The following DLGAP3 variants were observed in gnomAD, a reference collection of about 807,000 sequenced individuals.
DLGAP3 encodes DLG associated protein 3.
DLGAP3 carries 17 observed loss-of-function variants against 81.2 expected under a neutral mutation model. The ratio of observed to expected loss-of-function variants is 0.21; its 90% confidence interval spans 0.14 to 0.31. The LOEUF is 0.31. DLGAP3 is among the 10% of genes least tolerant of loss of function. The pLI is 1.00. For missense variants in DLGAP3, 1,124 were observed against 1,388.0 expected (o/e 0.81, Z 3.02); for synonymous variants, 577 against 587.4 (o/e 0.98, Z 0.26).
At chr1:34,889,953 G>A (rs1639288568) in intron 5 of DLGAP3, among the ~76,000 whole-genome samples, 1 of 152,166 alleles carries the variant, frequency 6.6e-6, no homozygotes, top group African/African-American at 2.4e-5. Flanking sequence ...ATAGGAGGAA[G>A]GCTTTGGGCC....
Position 34,929,318 on chromosome 1 carries a change from C to T in DLGAP3, c.-135+133G>A, listed in dbSNP as rs1005163709. On this transcript the variant is annotated intron_variant, in intron 1 of 11. Coordinates refer to ENST00000373347, the MANE Select transcript of DLGAP3 (RefSeq NM_001080418.3). This position sits in a 1 kb window ranked among gnomAD's most constrained non-coding sequence, Gnocchi z 6.5. ...GCTGAGGAGGCCCAGCCCCTCCCCC[C>T]TCCCGGGGCCGGGAGCCGAGCGCCG... 6.7e-6 allele frequency: 1 copy of T among 149,838 alleles called. No individual in the cohort carries two copies. Among genetic ancestry groups the T allele is most frequent in the African/African-American group, 2.4e-5 (1 of 41,162 alleles). 9.3% of individuals were successfully genotyped at this position (149,838 alleles called of 1,614,324 possible). A position where few individuals can be genotyped will look rare whatever the true frequency, so the allele number is the denominator to read the frequency against.
intron 1 of DLGAP3, among the ~76,000 whole-genome samples, chr1:34,913,794 C>T (rs767929885): frequency 1.3e-5 from 2 of 152,176 alleles, no homozygotes; most frequent in African/African-American, 4.8e-5. Flanking sequence ...GAAAGGACCT[C>T]CACTCCTTTC....
chr1:34,910,261 G>A (rs1557495937), intron 1 of DLGAP3, among the ~76,000 whole-genome samples: 1 of 152,188 alleles, frequency 6.6e-6, no homozygotes, highest in Non-Finnish European at 1.5e-5. Context: ...TGTAGTATTT[G>A]CAGCAGAAAG....
intron 5 of DLGAP3, among the ~76,000 whole-genome samples, chr1:34,894,110 C>G (rs760372751): frequency 3.3e-5 from 5 of 152,102 alleles, no homozygotes; most frequent in South Asian, 2.1e-4. Flanking sequence ...ATTGATTGAG[C>G]CTGGGAGGTC....
At position 34,868,845 on chromosome 1, in the gene DLGAP3, G is replaced by C; in HGVS notation, c.2245C>G (p.Pro749Ala). 1 of 1,583,558 alleles carries C rather than the reference G, an allele frequency of 6.3e-7. No individual in the cohort carries two copies. The highest frequency in any genetic ancestry group is 8.5e-7 in the Non-Finnish European group (1 of 1,170,116). ...YREGYPLPYE[P>A]PATDGSPGPA... Reference sequence around the variant, plus strand: ...CCGGGCGACCCATCGGTGGCCGGCGGCTCGTACGGCAGTGGGTAGCCCTCG... The same window carrying C: ...CCGGGCGACCCATCGGTGGCCGGCGCCTCGTACGGCAGTGGGTAGCCCTCG... Residue 749 changes from proline (P) to alanine (A), a missense_variant, in exon 9 of 12, where the codon CCG becomes GCG. Around this residue, in one of 9 missense-constraint regions of DLGAP3, gnomAD observed 379 missense variants for 455.7 expected, o/e 0.83. Coordinates refer to ENST00000373347, the MANE Select transcript of DLGAP3 (RefSeq NM_001080418.3). This position sits in a 1 kb window ranked among gnomAD's most constrained non-coding sequence, Gnocchi z 7.5.
chr1:34,894,100 A>G (rs1639351230), intron 5 of DLGAP3, among the ~76,000 whole-genome samples: 1 of 152,138 alleles, frequency 6.6e-6, no homozygotes, highest in African/African-American at 2.4e-5. Flanking sequence ...AGGTGGGAGG[A>G]TTGATTGAGC....
In DLGAP3 at chr1:34,866,316, G is replaced by A. The variant is rs777387655; in HGVS notation, c.2722-15C>T. The A allele has an allele frequency of 1.5e-4, 219 of 1,500,376 alleles. No homozygotes were observed. Among genetic ancestry groups the A allele is most frequent in the Non-Finnish European group, 1.8e-4 (203 of 1,123,432 alleles). 92.9% of individuals were successfully genotyped at this position (1,500,376 alleles called of 1,614,324 possible). A position where few individuals can be genotyped will look rare whatever the true frequency, so the allele number is the denominator to read the frequency against. Reference sequence around the variant, plus strand: ...TTCTTCTCCTCCTGCGGGGCAGAGGGCGTCGCTGAGCTGGGGCGCCGAACC... The same window carrying A: ...TTCTTCTCCTCCTGCGGGGCAGAGGACGTCGCTGAGCTGGGGCGCCGAACC... On this transcript the variant is annotated splice_polypyrimidine_tract_variant and intron_variant, in intron 11 of 11. Coordinates refer to ENST00000373347, the MANE Select transcript of DLGAP3 (RefSeq NM_001080418.3).
rs141543595 is a variant in DLGAP3 at position 34,880,280 on chromosome 1, C to T, written c.2000+4698G>A. Among the ~76,000 whole-genome samples the T allele has an allele frequency of 1.5e-3, 221 of 152,294 alleles. 1 individual carries two copies. The highest frequency in any genetic ancestry group is 5.1e-3 in the African/African-American group (212 of 41,550). On this transcript the variant is annotated intron_variant, in intron 8 of 11. Coordinates refer to ENST00000373347, the MANE Select transcript of DLGAP3 (RefSeq NM_001080418.3). ...CGTTGCCCAGGCTCATCTTGAACTC[C>T]TGATCTCAAGCAATCCCACCTCAGC...
intron 1 of DLGAP3, among the ~76,000 whole-genome samples, chr1:34,923,467 A>C (rs1639824922): frequency 6.6e-6 from 1 of 151,896 alleles, no homozygotes; most frequent in African/African-American, 2.4e-5. Flanking sequence ...AGCTGCAGAC[A>C]CCTCCTGGCA....
intron 8 of DLGAP3, among the ~76,000 whole-genome samples, chr1:34,881,844 TA>T (rs1639150072): frequency 6.6e-6 from 1 of 152,272 alleles, no homozygotes; most frequent in African/African-American, 2.4e-5. Flanking sequence ...TTTTCTATTT[TA>T]AAAAATAAAA....
chr1:34,867,245 A>T lies in DLGAP3; in HGVS notation c.2578-54T>A, dbSNP rs1638898448. On this transcript the variant is annotated intron_variant, in intron 10 of 11. Coordinates refer to ENST00000373347, the MANE Select transcript of DLGAP3 (RefSeq NM_001080418.3). This position sits in a 1 kb window ranked among gnomAD's most constrained non-coding sequence, Gnocchi z 4.3. ...GATTGGTCAAGGAGGTCTGAGCCCC[A>T]GCCAGGACAAGAGAAAGTCCTATCC... is the stretch of plus-strand genomic sequence containing the variant. 5.6e-6 allele frequency: 9 copies of T among 1,610,914 alleles called. No individual in the cohort carries two copies. In the South Asian group the frequency reaches 9.9e-5, roughly 18 times the overall value.
In DLGAP3 at chr1:34,886,078, C is replaced by T. The variant is rs1639222587; in HGVS notation, c.1594G>A (p.Gly532Ser). ...ATPAAVSGRPGSSFNFRKAPP... is the reference protein window; with the variant it reads ...ATPAAVSGRPSSSFNFRKAPP... ...GGCAGGAAGGTGTACTCACAGGAGC[C>T]GGGCCTCCCTGAGACAGCGGCAGGG... The change falls in exon 6 of 12, where the codon GGC becomes AGC. Residue 532 changes from glycine (G) to serine (S), a missense_variant. Transcript: ENST00000373347. 6.2e-7 allele frequency: 1 copy of T among 1,601,372 alleles called. No individual in the cohort carries two copies. The highest frequency in any genetic ancestry group is 8.5e-7 in the Non-Finnish European group (1 of 1,175,492).
intron 1 of DLGAP3, among the ~76,000 whole-genome samples, chr1:34,923,356 T>C (rs930017227): frequency 6.6e-6 from 1 of 151,938 alleles, no homozygotes; most frequent in Admixed American, 6.6e-5. Context: ...AGGGAGAGGG[T>C]AGACCAGGAG....
chr1:34,918,011 G>A (rs564119795), intron 1 of DLGAP3, among the ~76,000 whole-genome samples: 1 of 152,352 alleles, frequency 6.6e-6, no homozygotes, highest in South Asian at 2.1e-4. Context: ...TATAGCTGAG[G>A]GAGGGAGGGG....
chr1:34,876,513 G>A (rs1039603318), intron 8 of DLGAP3, among the ~76,000 whole-genome samples: 2 of 152,190 alleles, frequency 1.3e-5, no homozygotes. Flanking sequence ...GGAATTCATG[G>A]CTCGCTTTTA....
At chr1:34,896,821 G>T (rs530605641) in intron 5 of DLGAP3, among the ~76,000 whole-genome samples, 1 of 152,252 alleles carries the variant, frequency 6.6e-6, no homozygotes, top group Admixed American at 6.5e-5. Context: ...CAGCAAAGGA[G>T]CAGGAAAGCA....
At chr1:34,908,010 A>G (rs986618180) in intron 1 of DLGAP3, among the ~76,000 whole-genome samples, 3 of 152,210 alleles carry the variant, frequency 2.0e-5, no homozygotes, top group Non-Finnish European at 4.4e-5. Context: ...CTGTGCTCTT[A>G]TTCTAGGTTA....
At chr1:34,901,956 G>A (rs1639466754) in intron 3 of DLGAP3, among the ~76,000 whole-genome samples, 1 of 152,154 alleles carries the variant, frequency 6.6e-6, no homozygotes, top group African/African-American at 2.4e-5. Context: ...AGGGATGGAG[G>A]GGGTCATGAT....
intron 4 of DLGAP3, 70 bp downstream of exon 4, chr1:34,899,996 CTA>C: frequency 7.4e-7 from 1 of 1,356,096 alleles, no homozygotes; most frequent in Non-Finnish European, 1.0e-6. Flanking sequence ...GGCACCCACT[CTA>C]CACACATCTC....
Sources: allele counts gnomAD v4.1 joint callset (sites outside exome capture counted in the v4.1 genomes callset), GRCh38; gene constraint gnomAD v4.1.1; regional missense constraint gnomAD v4.1.1; non-coding constraint Gnocchi (gnomAD v3.1); transcripts MANE v1.5; gene names NCBI Gene and HGNC (gene_info 2026-07-23, HGNC 2026-07-21).